Variants in EYA4 observed in about 807,000 individuals in gnomAD.
The protein encoded by EYA4 is EYA transcriptional coactivator and phosphatase 4.
In EYA4, 31 loss-of-function variants were observed where a neutral mutation model predicts 87.9. The ratio of observed to expected loss-of-function variants is 0.35; its 90% CI spans 0.27 to 0.48. The LOEUF is 0.48. Ranked by LOEUF, EYA4 falls within the 20% of genes least tolerant of loss-of-function variation. EYA4 has a pLI of 0.99. For synonymous variants in EYA4, 263 were observed against 270.6 expected, an observed-to-expected ratio of 0.97 and a Z score of 0.28; for missense variants, 678 against 761.4, an observed-to-expected ratio of 0.89 and a Z score of 1.29.
chr6:133,394,284 GTTT>G (rs869103311), intron 3 of EYA4, among the ~76,000 whole-genome samples: 4 of 17,864 alleles, frequency 2.2e-4, no homozygotes, highest in African/African-American at 5.9e-4. Context: ...ATAAGCTTGT[GTTT>G]TTTTTTTTTT....
chr6:133,466,820 TGGGGAA>T (rs921567234), intron 10 of EYA4, among the ~76,000 whole-genome samples: 1 of 146,050 alleles, frequency 6.8e-6, no homozygotes, highest in African/African-American at 2.5e-5. Flanking sequence ...GAGGGGGAAG[TGGGGAA>T]GCACATTTGC....
At chr6:133,279,554 G>A (rs1271389652) in intron 2 of EYA4, among the ~76,000 whole-genome samples, 1 of 151,954 alleles carries the variant, frequency 6.6e-6, no homozygotes, top group Non-Finnish European at 1.5e-5. Flanking sequence ...TTGGAAATTT[G>A]TTTCTACATG....
chr6:133,278,922 T>C (rs199612606), intron 2 of EYA4, among the ~76,000 whole-genome samples: 2 of 152,214 alleles, frequency 1.3e-5, no homozygotes, highest in African/African-American at 4.8e-5. Context: ...GAAATGGCTG[T>C]GAATGTAGGT....
At chr6:133,273,910 T>G (rs956029029) in intron 1 of EYA4, among the ~76,000 whole-genome samples, 2 of 151,792 alleles carry the variant, frequency 1.3e-5, no homozygotes. Context: ...TGTGTGTGGG[T>G]GTGTGTGTGT....
At chr6:133,278,705 A>G (rs1259336233) in intron 2 of EYA4, among the ~76,000 whole-genome samples, 4 of 152,126 alleles carry the variant, frequency 2.6e-5, no homozygotes. Context: ...TCAGTCCTTC[A>G]TTTTTCCTCT....
chr6:133,455,821 C>G (rs541954798), intron 5 of EYA4, among the ~76,000 whole-genome samples: 4 of 152,050 alleles, frequency 2.6e-5, no homozygotes, highest in Non-Finnish European at 5.9e-5. Context: ...CGCCCCATCA[C>G]CCTTGTTGCA....
At chr6:133,500,531 A>G (rs1468735528) in intron 13 of EYA4, among the ~76,000 whole-genome samples, 4 of 152,120 alleles carry the variant, frequency 2.6e-5, no homozygotes, top group Non-Finnish European at 5.9e-5. Flanking sequence ...TGAAGAGCTG[A>G]AGGGAGAGCA....
At chr6:133,367,666 G>A (rs1784955375) in intron 2 of EYA4, among the ~76,000 whole-genome samples, 1 of 152,106 alleles carries the variant, frequency 6.6e-6, no homozygotes, top group Non-Finnish European at 1.5e-5. Context: ...AGGTCAGGGT[G>A]CCATTTTCAA....
At chr6:133,286,997 G>A (rs1023591118) in intron 2 of EYA4, among the ~76,000 whole-genome samples, 5 of 152,014 alleles carry the variant, frequency 3.3e-5, no homozygotes, top group Non-Finnish European at 5.9e-5. Context: ...CCTTTGTTGT[G>A]ACAATAAAAA....
At chr6:133,513,723 T>C (rs970194255) in intron 16 of EYA4, among the ~76,000 whole-genome samples, 3 of 152,176 alleles carry the variant, frequency 2.0e-5, no homozygotes, top group Admixed American at 6.6e-5. Flanking sequence ...CTTGGTGATA[T>C]CTTATTAGAA....
intron 1 of EYA4, among the ~76,000 whole-genome samples, chr6:133,259,253 G>T (rs1775597500): frequency 6.6e-6 from 1 of 152,020 alleles, no homozygotes; most frequent in Non-Finnish European, 1.5e-5. Context: ...TAACTTGAGA[G>T]AAAAAGATTA....
intron 3 of EYA4, among the ~76,000 whole-genome samples, chr6:133,426,959 C>A (rs992105441): frequency 6.6e-5 from 10 of 152,166 alleles, no homozygotes; most frequent in South Asian, 2.1e-4. Flanking sequence ...TATTTTCTCT[C>A]TATATATCGG....
At chr6:133,514,730 T>C (rs1360851184) in intron 16 of EYA4, among the ~76,000 whole-genome samples, 1 of 152,224 alleles carries the variant, frequency 6.6e-6, no homozygotes, top group African/African-American at 2.4e-5. Context: ...TTATAATTCA[T>C]GATTGTAACT....
At chr6:133,276,369 T>C (rs1428677840) in intron 2 of EYA4, among the ~76,000 whole-genome samples, 1 of 152,188 alleles carries the variant, frequency 6.6e-6, no homozygotes, top group African/African-American at 2.4e-5. Context: ...GATGGTTGAT[T>C]CTGTTAATTA....
In EYA4 at chr6:133,530,852, G is replaced by A; in HGVS notation, c.*2047G>A. On this transcript the variant is annotated 3_prime_UTR_variant, in exon 20 of 20. Transcript: ENST00000355286. ...ATACCTTTAATAATATAAAAATAATGATAGTAAATCTTATACTTCTGTTGG... is the reference window on the plus strand; with the variant it reads ...ATACCTTTAATAATATAAAAATAATAATAGTAAATCTTATACTTCTGTTGG... The A allele has an allele frequency of 2.0e-6, 2 of 1,005,724 alleles. No individual in the cohort carries two copies. Among genetic ancestry groups the A allele is most frequent in the African/African-American group, 3.4e-5 (2 of 58,330 alleles). 62.3% of individuals were successfully genotyped at this position (1,005,724 alleles called of 1,614,324 possible).
At chr6:133,306,450 G>A (rs1395418302) in intron 2 of EYA4, among the ~76,000 whole-genome samples, 3 of 152,138 alleles carry the variant, frequency 2.0e-5, no homozygotes, top group Admixed American at 1.3e-4. Flanking sequence ...TCCATTACCT[G>A]GCACAGCCTT....
chr6:133,272,238 C>T (rs1776754980), intron 1 of EYA4, among the ~76,000 whole-genome samples: 1 of 152,100 alleles, frequency 6.6e-6, no homozygotes, highest in South Asian at 2.1e-4. Context: ...TGAATCAGGC[C>T]CTAGTCTTCT....
chr6:133,284,194 C>T (rs9493584), intron 2 of EYA4, among the ~76,000 whole-genome samples: 10,776 of 152,132 alleles, frequency 0.071, 1,076 homozygotes, highest in African/African-American at 0.22. Context: ...ATTATTCCAC[C>T]GTGATTACAG....
At chr6:133,510,474 G>T in intron 14 of EYA4, 1 of 345,460 alleles carries the variant, frequency 2.9e-6, no homozygotes, top group Admixed American at 3.1e-5. Flanking sequence ...CCATATTCTG[G>T]GAGAAAAACT....
Sources: allele counts gnomAD v4.1 joint callset (sites outside exome capture counted in the v4.1 genomes callset), GRCh38; gene constraint gnomAD v4.1.1; transcripts MANE v1.5; gene names NCBI Gene and HGNC (gene_info 2026-07-23, HGNC 2026-07-21).